POLA1: variants seen among roughly 807,000 people sequenced by gnomAD.
The protein encoded by POLA1 is DNA polymerase alpha 1, catalytic subunit.
POLA1 carries 15 observed loss-of-function variants against 124.0 expected under a neutral mutation model. The observed-to-expected ratio is 0.12, with a 90% CI of 0.08 to 0.19. The LOEUF (loss-of-function observed/expected upper bound fraction) is 0.19, where lower values mean the gene tolerates loss of function less well. Ranked by LOEUF, POLA1 falls within the 10% of genes least tolerant of loss-of-function variation. POLA1 has a pLI of 1.00. For missense variants in POLA1, 886 were observed against 1,103.4 expected, an observed-to-expected ratio of 0.80 and a Z score of 2.79; for synonymous variants, 408 against 389.4, an observed-to-expected ratio of 1.05 and a Z score of -0.56.
chrX:24,930,402 C>T (rs766927474), intron 35 of POLA1, 51 bp from the exon 36 acceptor site: 8 of 799,750 alleles, frequency 1.0e-5, no homozygotes, highest in Admixed American at 6.7e-5. Flanking sequence ...TGATCCCCAT[C>T]GCTTCCCCCT....
At chrX:24,854,413 A>G (rs1264521511) in intron 34 of POLA1, among the ~76,000 whole-genome samples, 1 of 112,002 alleles carries the variant, frequency 8.9e-6, no homozygotes, top group Non-Finnish European at 1.9e-5. Flanking sequence ...TTGACTTTGC[A>G]CCATTAATGC....
intron 28 of POLA1, 69 bp downstream of exon 28, chrX:24,810,869 A>G (rs2045886719): frequency 1.8e-6 from 1 of 542,120 alleles, no homozygotes; most frequent in Non-Finnish European, 3.2e-6. Flanking sequence ...ATGGAACACT[A>G]TAAATTCATG....
intron 12 of POLA1, among the ~76,000 whole-genome samples, 199 bp downstream of exon 12, chrX:24,724,650 A>G (rs1219952595): frequency 8.9e-6 from 1 of 112,719 alleles, no homozygotes; most frequent in Non-Finnish European, 1.9e-5. Context: ...TAAACTGCTT[A>G]TAAAATAATG....
intron 35 of POLA1, among the ~76,000 whole-genome samples, chrX:24,912,287 T>C (rs185487955): frequency 2.4e-4 from 27 of 111,733 alleles, no homozygotes; most frequent in Middle Eastern, 4.6e-3. Context: ...TAAGAGAAAA[T>C]CTTCATGACC....
intron 26 of POLA1, among the ~76,000 whole-genome samples, chrX:24,757,615 A>G (rs1398731542): frequency 9.2e-6 from 1 of 108,313 alleles, no homozygotes; most frequent in Non-Finnish European, 1.9e-5. Context: ...AATGTTTTGT[A>G]TTGTTAGTAG....
intron 2 of POLA1, among the ~76,000 whole-genome samples, chrX:24,702,260 G>A (rs1221966054): frequency 9.1e-6 from 1 of 109,398 alleles, no homozygotes; most frequent in Non-Finnish European, 1.9e-5. Flanking sequence ...GTAGAGATGG[G>A]GTTTCACTAT....
intron 35 of POLA1, among the ~76,000 whole-genome samples, chrX:24,928,077 G>C (rs1443865575): frequency 1.2e-4 from 13 of 111,969 alleles, no homozygotes; most frequent in Non-Finnish European, 1.7e-4. Context: ...AAATGTAATA[G>C]GGCCTTTTGT....
intron 4 of POLA1, among the ~76,000 whole-genome samples, chrX:24,709,295 A>C (rs1223495351): frequency 4.0e-5 from 2 of 49,784 alleles, no homozygotes; most frequent in African/African-American, 7.7e-5. Flanking sequence ...CGGGGGGCTG[A>C]CCCCCCCACC....
At chrX:24,951,343 A>AACC (rs2048039914) in intron 36 of POLA1, among the ~76,000 whole-genome samples, 8 of 40,937 alleles carry the variant, frequency 2.0e-4, no homozygotes, top group Non-Finnish European at 2.3e-4. Context: ...ACACCTCCCT[A>AACC]CCCCCCCCCC....
intron 36 of POLA1, among the ~76,000 whole-genome samples, chrX:24,947,309 C>T (rs1286683598): frequency 3.8e-5 from 3 of 78,367 alleles, no homozygotes; most frequent in Admixed American, 2.0e-4. Flanking sequence ...ACTCTGTTGC[C>T]CAGGCTAGAG....
At chrX:24,937,818 C>G (rs894982089) in intron 36 of POLA1, among the ~76,000 whole-genome samples, 5 of 112,578 alleles carry the variant, frequency 4.4e-5, no homozygotes, top group Non-Finnish European at 9.4e-5. Context: ...CTAAAGCCTA[C>G]TTCTATTTTA....
intron 34 of POLA1, among the ~76,000 whole-genome samples, chrX:24,881,585 T>C (rs2047001242): frequency 9.0e-6 from 1 of 111,567 alleles, no homozygotes; most frequent in African/African-American, 3.3e-5. Flanking sequence ...ACCTTTGTGG[T>C]AGAGACTGGG....
Position 24,786,434 on chromosome X carries a change from A to G in POLA1, c.2965-23464A>G, listed in dbSNP as rs748651712. Reference sequence around the variant, plus strand: ...ATGTTGAGTACCTTTTCATATACCTATTGGCCGTTTCTGTGTCTTCTTTGG... The same window carrying G: ...ATGTTGAGTACCTTTTCATATACCTGTTGGCCGTTTCTGTGTCTTCTTTGG... On this transcript the variant is annotated intron_variant, in intron 26 of 36. Transcript: ENST00000379068. Among the ~76,000 whole-genome samples the G allele has an allele frequency of 9.9e-5, 11 of 111,333 alleles. No homozygotes were observed. In the South Asian group the frequency reaches 4.1e-3, roughly 42 times the overall value.
chrX:24,972,689 A>G (rs1328920544), intron 36 of POLA1, among the ~76,000 whole-genome samples: 3 of 112,174 alleles, frequency 2.7e-5, no homozygotes, highest in Admixed American at 9.4e-5. Context: ...GAGGTTTTCC[A>G]TAGACCTGGC....
At chrX:24,944,183 C>T (rs1294979934) in intron 36 of POLA1, among the ~76,000 whole-genome samples, 2 of 111,896 alleles carry the variant, frequency 1.8e-5, no homozygotes, top group African/African-American at 6.5e-5. Context: ...AAATAAGCGG[C>T]AAAGCTTTTC....
At chrX:24,832,769 A>G in intron 32 of POLA1, among the ~76,000 whole-genome samples, 1 of 111,965 alleles carries the variant, frequency 8.9e-6, no homozygotes. Context: ...TGTATGAATA[A>G]AATAGAAAAG....
intron 26 of POLA1, among the ~76,000 whole-genome samples, chrX:24,787,775 A>G (rs773534342): frequency 2.8e-4 from 31 of 112,168 alleles, no homozygotes; most frequent in Non-Finnish European, 4.9e-4. Flanking sequence ...TTTGATAGGA[A>G]TGACATTGAA....
At chrX:24,795,301 AAC>A (rs1234292720) in intron 26 of POLA1, among the ~76,000 whole-genome samples, 1 of 111,721 alleles carries the variant, frequency 9.0e-6, no homozygotes, top group East Asian at 2.8e-4. Context: ...CACTAAGAGA[AAC>A]ACACTTATAA....
intron 26 of POLA1, among the ~76,000 whole-genome samples, chrX:24,759,244 T>G (rs1376780439): frequency 8.9e-6 from 1 of 112,334 alleles, no homozygotes; most frequent in Non-Finnish European, 1.9e-5. Context: ...TTGGATTTCT[T>G]ATTACTAGAT....
Sources: allele counts gnomAD v4.1 joint callset (sites outside exome capture counted in the v4.1 genomes callset), GRCh38; gene constraint gnomAD v4.1.1; transcripts MANE v1.5; gene names NCBI Gene and HGNC (gene_info 2026-07-23, HGNC 2026-07-21).